TMTC1: variants seen among roughly 807,000 people sequenced by gnomAD.
TMTC1 encodes the protein protein O-mannosyl-transferase TMTC1.
TMTC1 carries 73 observed loss-of-function variants against 104.8 expected under a neutral mutation model. That is an observed-to-expected ratio of 0.70 (90% CI 0.58 to 0.85). The LOEUF is 0.85. Among genes scored for constraint, TMTC1 ranks in the 40% least tolerant of loss-of-function variants. The pLI is 0.00. For synonymous variants in TMTC1, 434 were observed against 428.7 expected (o/e 1.01, Z -0.15); for missense variants, 1,035 against 1,096.1 (o/e 0.94, Z 0.79).
At chr12:29,769,531 C>T (rs758420040) in intron 1 of TMTC1, among the ~76,000 whole-genome samples, 9 of 152,300 alleles carry the variant, frequency 5.9e-5, no homozygotes, top group Non-Finnish European at 8.8e-5. Flanking sequence ...GAAACACACA[C>T]GAGGCAGCAG....
chr12:29,536,157 A>G (rs1315999859), intron 11 of TMTC1, 52 bp downstream of exon 11: 1 of 1,181,232 alleles, frequency 8.5e-7, no homozygotes, highest in East Asian at 2.3e-5. Flanking sequence ...TGTAACATTA[A>G]TTTATACATG....
chr12:29,542,435 TGCTAAACA>T (rs1944827229), intron 10 of TMTC1, among the ~76,000 whole-genome samples: 1 of 152,240 alleles, frequency 6.6e-6, no homozygotes, highest in South Asian at 2.1e-4. Context: ...TTTCCTTAAC[TGCTAAACA>T]GCATCACCAG....
At chr12:29,521,547 T>C (rs1156680233) in intron 11 of TMTC1, among the ~76,000 whole-genome samples, 2 of 147,468 alleles carry the variant, frequency 1.4e-5, no homozygotes, top group East Asian at 4.0e-4. Context: ...TTTAGGTACA[T>C]TTTTCTTTTT....
intron 5 of TMTC1, among the ~76,000 whole-genome samples, chr12:29,655,845 C>T (rs754717347): frequency 4.6e-5 from 7 of 152,032 alleles, no homozygotes; most frequent in Non-Finnish European, 1.0e-4. Context: ...ATAACAGCTA[C>T]TAAATGGGGA....
chr12:29,744,742 G>C (rs1942908466), intron 5 of TMTC1, among the ~76,000 whole-genome samples: 1 of 152,040 alleles, frequency 6.6e-6, no homozygotes, highest in Admixed American at 6.6e-5. Flanking sequence ...CACTTTTCTG[G>C]CAAGTTCTAT....
chr12:29,644,153 A>G (rs542701347), intron 5 of TMTC1, among the ~76,000 whole-genome samples: 2,229 of 65,678 alleles, frequency 0.034, 138 homozygotes, highest in African/African-American at 0.083. Flanking sequence ...GTGTGTGTAT[A>G]TATATATATA....
chr12:29,744,025 A>C (rs549691724), intron 5 of TMTC1, among the ~76,000 whole-genome samples: 10 of 152,202 alleles, frequency 6.6e-5, no homozygotes, highest in Non-Finnish European at 1.2e-4. Flanking sequence ...ATGAGACCCG[A>C]GATCCTCTTT....
At chr12:29,625,246 T>C (rs993534203) in intron 6 of TMTC1, among the ~76,000 whole-genome samples, 5 of 152,238 alleles carry the variant, frequency 3.3e-5, no homozygotes, top group South Asian at 2.1e-4. Context: ...TCCTGTTTAC[T>C]GCCTCAGATT....
intron 7 of TMTC1, among the ~76,000 whole-genome samples, chr12:29,602,235 C>T (rs563567231): frequency 2.6e-5 from 4 of 152,254 alleles, no homozygotes; most frequent in East Asian, 1.9e-4. Flanking sequence ...CTCAACCTTC[C>T]GGGCTCAAGA....
At chr12:29,541,562 TC>T (rs1944797165) in intron 10 of TMTC1, among the ~76,000 whole-genome samples, 1 of 152,072 alleles carries the variant, frequency 6.6e-6, no homozygotes, top group Non-Finnish European at 1.5e-5. Context: ...CTAAATAATA[TC>T]CTTCCACATT....
intron 10 of TMTC1, among the ~76,000 whole-genome samples, chr12:29,553,086 T>C (rs978026903): frequency 6.6e-6 from 1 of 152,216 alleles, no homozygotes; most frequent in Non-Finnish European, 1.5e-5. Context: ...AGGGTGGTCC[T>C]TTCTCCCAAA....
chr12:29,606,258 T>C (rs538963838), intron 6 of TMTC1, among the ~76,000 whole-genome samples: 52 of 152,362 alleles, frequency 3.4e-4, no homozygotes, highest in Admixed American at 3.0e-3. Flanking sequence ...GGTAGTTCTA[T>C]TTTTTAATTC....
At chr12:29,590,879 T>C (rs1019185203) in intron 7 of TMTC1, among the ~76,000 whole-genome samples, 6 of 152,220 alleles carry the variant, frequency 3.9e-5, no homozygotes, top group Non-Finnish European at 2.9e-5. Flanking sequence ...AACTTGAATC[T>C]ATTCTGCTGG....
At position 29,563,259 on chromosome 12, in the gene TMTC1, C is replaced by T. The variant is rs538022011; in HGVS notation, c.1533-6259G>A. On this transcript the variant is annotated intron_variant, in intron 9 of 17. Transcript: ENST00000539277. The stretch of plus-strand genomic sequence containing the variant: ...TCAAGACCAAATGGAATTCCAGACA[C>T]GTGTAATTGAAAAAGCTATATCCAA... 5.9e-5 allele frequency among the ~76,000 whole-genome samples: 9 copies of T among 152,278 alleles called. No individual in the cohort carries two copies. In the East Asian group the frequency reaches 7.7e-4, roughly 13 times the overall value.
At position 29,671,492 on chromosome 12, in the gene TMTC1, T is replaced by C. The variant is rs546322280; in HGVS notation, c.939-38156A>G. On this transcript the variant is annotated intron_variant, in intron 5 of 17. Coordinates refer to ENST00000539277, the MANE Select transcript of TMTC1 (RefSeq NM_001193451.2). The stretch of plus-strand genomic sequence containing the variant: ...ACATGCATACATTTAACTTGTAAAT[T>C]ACAGAGAAAATGTATTGAGTGCATA... 4.6e-4 allele frequency among the ~76,000 whole-genome samples: 70 copies of C among 152,300 alleles called. No homozygotes were observed. In the Middle Eastern group the frequency reaches 0.014, roughly 30 times the overall value.
intron 7 of TMTC1, among the ~76,000 whole-genome samples, chr12:29,587,955 C>T (rs968179839): frequency 2.0e-5 from 3 of 152,186 alleles, no homozygotes; most frequent in African/African-American, 7.2e-5. Flanking sequence ...CTTCTGTTCT[C>T]TGTATCAAGA....
At chr12:29,687,220 T>C (rs1941121550) in intron 5 of TMTC1, among the ~76,000 whole-genome samples, 1 of 152,240 alleles carries the variant, frequency 6.6e-6, no homozygotes, top group Non-Finnish European at 1.5e-5. Flanking sequence ...TAGAGAAAAC[T>C]GATACACTTT....
chr12:29,550,673 C>G (rs1945071565), intron 10 of TMTC1, among the ~76,000 whole-genome samples: 1 of 152,024 alleles, frequency 6.6e-6, no homozygotes, highest in Admixed American at 6.6e-5. Context: ...TAAGGTAGAG[C>G]ATAAATGGGG....
intron 5 of TMTC1, among the ~76,000 whole-genome samples, chr12:29,695,461 C>T (rs1323955524): frequency 6.6e-6 from 1 of 152,004 alleles, no homozygotes; most frequent in African/African-American, 2.4e-5. Flanking sequence ...CACACGCCAC[C>T]ACATCCAGTT....
Sources: allele counts gnomAD v4.1 joint callset (sites outside exome capture counted in the v4.1 genomes callset), GRCh38; gene constraint gnomAD v4.1.1; transcripts MANE v1.5; gene names NCBI Gene and HGNC (gene_info 2026-07-23, HGNC 2026-07-21).